RSPO3: variants seen among roughly 807,000 people sequenced by gnomAD.
RSPO3 encodes the protein R-spondin 3.
In RSPO3, 17 loss-of-function variants were observed where a neutral mutation model predicts 36.5. The ratio of observed to expected loss-of-function variants is 0.47; its 90% CI spans 0.32 to 0.70. The LOEUF (loss-of-function observed/expected upper bound fraction) is 0.70. Ranked by LOEUF, RSPO3 falls within the 30% of genes least tolerant of loss-of-function variation. The pLI is 0.04. For synonymous variants in RSPO3, 108 were observed against 107.0 expected, an observed-to-expected ratio of 1.01 and a Z score of -0.06; for missense variants, 294 against 322.5, an observed-to-expected ratio of 0.91 and a Z score of 0.68.
chr6:127,141,856 T>A (rs995046629), intron 1 of RSPO3, among the ~76,000 whole-genome samples: 3 of 150,692 alleles, frequency 2.0e-5, no homozygotes. Flanking sequence ...CATGCGTGCA[T>A]ATATATATGT....
chr6:127,143,472 G>A (rs1774319849), intron 1 of RSPO3, among the ~76,000 whole-genome samples: 1 of 152,128 alleles, frequency 6.6e-6, no homozygotes, highest in African/African-American at 2.4e-5. Flanking sequence ...GCTTTGGAGA[G>A]ATTTTATATA....
At chr6:127,185,866 TC>T (rs1775284687) in intron 4 of RSPO3, among the ~76,000 whole-genome samples, 1 of 152,108 alleles carries the variant, frequency 6.6e-6, no homozygotes, top group Admixed American at 6.6e-5. Flanking sequence ...TATGAGGCCA[TC>T]CGCTCCTGTC....
At position 127,118,856 on chromosome 6, in the gene RSPO3, G is replaced by A; in HGVS notation, c.-337G>A. On this transcript the variant is annotated 5_prime_UTR_variant, in exon 1 of 5. Coordinates refer to ENST00000356698, the MANE Select transcript of RSPO3 (RefSeq NM_032784.5). ...GCTGCAGCCGCCGCCGCCGCCGCTC[G>A]CCCGCCCGGATCCCGCCTGCGGCAG... is the stretch of plus-strand genomic sequence containing the variant. 1 of 168,268 alleles carries A rather than the reference G, an allele frequency of 5.9e-6. No homozygotes were observed. The highest frequency in any genetic ancestry group is 1.3e-5 in the Non-Finnish European group (1 of 79,454). The allele number at this position is 168,268 out of a possible 1,614,324, so 10.4% of individuals were successfully genotyped here. A position where few individuals can be genotyped will look rare whatever the true frequency, so the allele number is the denominator to read the frequency against.
intron 1 of RSPO3, among the ~76,000 whole-genome samples, chr6:127,135,446 C>T (rs1227033400): frequency 1.4e-5 from 2 of 140,532 alleles, no homozygotes; most frequent in African/African-American, 5.2e-5. Flanking sequence ...AAAAAATTTA[C>T]AACTATTGTT....
At chr6:127,125,638 TAAA>T in intron 1 of RSPO3, among the ~76,000 whole-genome samples, 1 of 152,176 alleles carries the variant, frequency 6.6e-6, no homozygotes, top group Admixed American at 6.5e-5. Flanking sequence ...CAAACAAACA[TAAA>T]CATTCATTGA....
chr6:127,137,328 T>C (rs140017253), intron 1 of RSPO3, among the ~76,000 whole-genome samples: 10,159 of 149,758 alleles, frequency 0.068, 706 homozygotes, highest in African/African-American at 0.19. Context: ...GAGGCAGAGG[T>C]TGCAGTGAGC....
Position 127,119,146 on chromosome 6 carries a change from C to T in RSPO3, c.-47C>T. ...TTTTAAAAACATTAAATATAATTAA[C>T]AATCAAAAGAAAGAGGAGAAAGGAA... On this transcript the variant is annotated 5_prime_UTR_variant, in exon 1 of 5. Transcript: ENST00000356698. The T allele has an allele frequency of 7.4e-7, 1 of 1,352,622 alleles. No individual in the cohort carries two copies. The highest frequency in any genetic ancestry group is 1.1e-6 in the Non-Finnish European group (1 of 950,360). 83.8% of individuals were successfully genotyped at this position (1,352,622 alleles called of 1,614,324 possible).
Position 127,185,313 on chromosome 6 carries a change from C to T in RSPO3, c.635-10510C>T, listed in dbSNP as rs539146575. 3.9e-5 allele frequency among the ~76,000 whole-genome samples: 6 copies of T among 152,112 alleles called. No individual in the cohort carries two copies. In the South Asian group the frequency reaches 1.0e-3, roughly 26 times the overall value. ...TACCTAGAACAATCTGCATTACCTG[C>T]TATAGGTGAAATACTCCCCTTATCA... On this transcript the variant is annotated intron_variant, in intron 4 of 4. Transcript: ENST00000356698.
intron 4 of RSPO3, among the ~76,000 whole-genome samples, chr6:127,157,286 G>A (rs865946717): frequency 2.6e-5 from 4 of 152,008 alleles, no homozygotes; most frequent in Admixed American, 6.6e-5. Context: ...AAGATTGTAC[G>A]TTATTAATCA....
intron 1 of RSPO3, among the ~76,000 whole-genome samples, chr6:127,125,169 G>A (rs1773915458): frequency 6.6e-6 from 1 of 152,044 alleles, no homozygotes; most frequent in Non-Finnish European, 1.5e-5. Context: ...TGGTACTAAA[G>A]AATATGATTG....
intron 1 of RSPO3, among the ~76,000 whole-genome samples, chr6:127,131,884 T>G (rs1230790664): frequency 6.6e-6 from 1 of 152,172 alleles, no homozygotes. Flanking sequence ...ATTTATTTAC[T>G]GGGTCTCTGA....
At chr6:127,193,135 A>T (rs1321807175) in intron 4 of RSPO3, among the ~76,000 whole-genome samples, 4 of 152,226 alleles carry the variant, frequency 2.6e-5, no homozygotes, top group Non-Finnish European at 2.9e-5. Flanking sequence ...ACAATGTGTT[A>T]GTTTCCTGTT....
chr6:127,192,768 G>A (rs567674664), intron 4 of RSPO3: 16 of 709,320 alleles, frequency 2.3e-5, no homozygotes, highest in Admixed American at 6.3e-5. Context: ...CAAAGCACAC[G>A]TGTGTGTGTA....
intron 1 of RSPO3, among the ~76,000 whole-genome samples, chr6:127,144,782 G>C: frequency 6.6e-6 from 1 of 151,408 alleles, no homozygotes; most frequent in East Asian, 2.0e-4. Flanking sequence ...CCACCACACT[G>C]GGCTAATTTT....
chr6:127,159,382 T>C (rs929412427), intron 4 of RSPO3, among the ~76,000 whole-genome samples: 1 of 152,138 alleles, frequency 6.6e-6, no homozygotes, highest in Non-Finnish European at 1.5e-5. Context: ...GAGCAGAGCA[T>C]GTTGCTGGAA....
At chr6:127,186,224 T>G (rs1461382763) in intron 4 of RSPO3, among the ~76,000 whole-genome samples, 1 of 152,146 alleles carries the variant, frequency 6.6e-6, no homozygotes, top group Non-Finnish European at 1.5e-5. Flanking sequence ...AAAAGGCATT[T>G]GGTGAATATT....
In RSPO3 at chr6:127,195,449, G is replaced by GT. The variant is rs57640690; in HGVS notation, c.635-373dup. Among the ~76,000 whole-genome samples the GT allele has an allele frequency of 5.2e-3, 796 of 152,258 alleles. 6 individuals carry two copies. Among genetic ancestry groups the GT allele is most frequent in the African/African-American group, 0.018 (727 of 41,538 alleles). On this transcript the variant is annotated intron_variant, in intron 4 of 4. Transcript: ENST00000356698. Reference sequence around the variant, plus strand: ...CTCCCACAGAGCTGGGATTACAGGCGTAAGCCACCAGGCCCAGCCAAAATA... The same window carrying GT: ...CTCCCACAGAGCTGGGATTACAGGCGTTAAGCCACCAGGCCCAGCCAAAATA...
At position 127,119,210 on chromosome 6, in the gene RSPO3, T is replaced by G. The variant is rs991717069; in HGVS notation, c.18T>G (p.Ile6Met). The G allele has an allele frequency of 3.1e-6, 5 of 1,613,424 alleles. No homozygotes were observed. The African/African-American group carries it at 5.3e-5, about 17-fold the overall frequency. ...GGGTTACTATGCACTTGCGACTGAT[T>G]TCTTGGCTTTTTATCATTTTGAACT... MHLRLISWLFIILNFM... is the reference protein window; with the variant it reads MHLRLMSWLFIILNFM... Residue 6 changes from isoleucine (I) to methionine (M), a missense_variant, in exon 1 of 5, where the codon ATT becomes ATG. Around this residue, in one of 3 missense-constraint regions of RSPO3, gnomAD observed 61 missense variants for 51.3 expected, o/e 1.19. Transcript: ENST00000356698.
intron 1 of RSPO3, among the ~76,000 whole-genome samples, chr6:127,144,066 C>T (rs1774331869): frequency 6.6e-6 from 1 of 152,250 alleles, no homozygotes; most frequent in African/African-American, 2.4e-5. Flanking sequence ...AAGTTTTTTA[C>T]TCAGGGAATG....
Sources: allele counts gnomAD v4.1 joint callset (sites outside exome capture counted in the v4.1 genomes callset), GRCh38; gene constraint gnomAD v4.1.1; regional missense constraint gnomAD v4.1.1; transcripts MANE v1.5; gene names NCBI Gene and HGNC (gene_info 2026-07-23, HGNC 2026-07-21).